The following SOCS6 variants were observed in gnomAD, a reference collection of about 807,000 sequenced individuals.
The protein encoded by SOCS6 is suppressor of cytokine signaling 6.
In SOCS6, 5 loss-of-function variants were observed where a neutral mutation model predicts 27.7. That is an observed-to-expected ratio of 0.18 (90% confidence interval 0.09 to 0.38). SOCS6 has a LOEUF of 0.38. Among genes scored for constraint, SOCS6 ranks in the 10% least tolerant of loss-of-function variants. SOCS6 has a pLI of 1.00. For synonymous variants in SOCS6, 271 were observed against 260.0 expected (o/e 1.04, Z -0.41); for missense variants, 595 against 688.1 (o/e 0.86, Z 1.51).
In SOCS6 at chr18:70,325,936, G is replaced by A. The variant is rs2146301627; in HGVS notation, c.1268G>A (p.Arg423His). The change falls in exon 2 of 2, where the codon CGC becomes CAC. Residue 423 changes from arginine (R) to histidine (H), a missense_variant. Transcript: ENST00000397942. This position sits in a 1 kb window ranked among gnomAD's most constrained non-coding sequence, Gnocchi z 6.3. ...DDRYLLSLSF[R>H]SHGKTLHTRI... ...CGTTACCTTTTAAGCTTGAGCTTTCGCTCCCATGGTAAAACACTTCACACT... is the reference window on the plus strand; with the variant it reads ...CGTTACCTTTTAAGCTTGAGCTTTCACTCCCATGGTAAAACACTTCACACT... 2 of 1,614,182 alleles carry A rather than the reference G, an allele frequency of 1.2e-6. No homozygotes were observed. The highest frequency in any genetic ancestry group is 1.7e-6 in the Non-Finnish European group (2 of 1,180,030).
At chr18:70,324,305 T>TAAC (rs1911102854) in intron 1 of SOCS6, among the ~76,000 whole-genome samples, 1 of 151,120 alleles carries the variant, frequency 6.6e-6, no homozygotes, top group African/African-American at 2.4e-5. Flanking sequence ...CATCTCAAAA[T>TAAC]AATAATAATA....
At chr18:70,294,928 A>T (rs1363975641) in intron 1 of SOCS6, among the ~76,000 whole-genome samples, 1 of 152,268 alleles carries the variant, frequency 6.6e-6, no homozygotes, top group Non-Finnish European at 1.5e-5. Context: ...TCACACTTGG[A>T]GACTGGGGAG....
At chr18:70,312,324 G>GTT (rs138067401) in intron 1 of SOCS6, among the ~76,000 whole-genome samples, 6 of 148,930 alleles carry the variant, frequency 4.0e-5, no homozygotes, top group African/African-American at 1.5e-4. Flanking sequence ...TTTTTGTTTT[G>GTT]TTTTTTTTTC....
At position 70,325,831 on chromosome 18, in the gene SOCS6, C is replaced by T. The variant is rs1339442273; in HGVS notation, c.1163C>T (p.Pro388Leu). Residue 388 changes from proline (P) to leucine (L), a missense_variant, in exon 2 of 2, where the codon CCA becomes CTA. Transcript: ENST00000397942. The surrounding 1 kb of genome is among the most constrained non-coding windows in gnomAD (Gnocchi z 6.3). ...GCAAAGCAAGGATGGTACTGGGGACCAATCACACGTTGGGAGGCAGAAGGG... is the reference window on the plus strand; with the variant it reads ...GCAAAGCAAGGATGGTACTGGGGACTAATCACACGTTGGGAGGCAGAAGGG... Reference protein sequence around the residue: ...KLAKQGWYWGPITRWEAEGKL... With the variant: ...KLAKQGWYWGLITRWEAEGKL... 6.2e-7 allele frequency: 1 copy of T among 1,614,178 alleles called. No individual in the cohort carries two copies. The highest frequency in any genetic ancestry group is 8.5e-7 in the Non-Finnish European group (1 of 1,180,022).
chr18:70,293,159 C>T (rs2062307584), intron 1 of SOCS6, among the ~76,000 whole-genome samples: 1 of 151,972 alleles, frequency 6.6e-6, no homozygotes, highest in Non-Finnish European at 1.5e-5. Context: ...TGTGGGTATA[C>T]AGAAAGTAGT....
chr18:70,324,219 G>A (rs1012745936), intron 1 of SOCS6, among the ~76,000 whole-genome samples: 5 of 151,930 alleles, frequency 3.3e-5, no homozygotes, highest in Admixed American at 2.6e-4. Flanking sequence ...GGAGAATGGC[G>A]TGAACCCAGG....
chr18:70,317,797 C>T (rs1321359955), intron 1 of SOCS6, among the ~76,000 whole-genome samples: 2 of 152,036 alleles, frequency 1.3e-5, no homozygotes, highest in African/African-American at 2.4e-5. Context: ...TTTACATTCC[C>T]GCCAACAGTG....
At chr18:70,293,250 C>T (rs577744211) in intron 1 of SOCS6, among the ~76,000 whole-genome samples, 2 of 152,262 alleles carry the variant, frequency 1.3e-5, no homozygotes, top group East Asian at 1.9e-4. Context: ...TATTTCATGT[C>T]GTTTGTCCTT....
chr18:70,306,055 T>C (rs527414254), intron 1 of SOCS6, among the ~76,000 whole-genome samples: 3 of 152,136 alleles, frequency 2.0e-5, no homozygotes, highest in African/African-American at 7.2e-5. Context: ...CTGGGAAACA[T>C]AGGGAGACCC....
At chr18:70,303,596 C>T (rs938041579) in intron 1 of SOCS6, among the ~76,000 whole-genome samples, 12 of 152,124 alleles carry the variant, frequency 7.9e-5, no homozygotes, top group African/African-American at 2.9e-4. Flanking sequence ...GAGTTTGACA[C>T]CAGCCTGGCT....
chr18:70,315,543 G>A (rs1370189766), intron 1 of SOCS6, among the ~76,000 whole-genome samples: 1 of 152,086 alleles, frequency 6.6e-6, no homozygotes, highest in Non-Finnish European at 1.5e-5. Flanking sequence ...TTTTGTATAA[G>A]CACATTCCCT....
In SOCS6 at chr18:70,326,675, T is replaced by C. The variant is rs1339965561; in HGVS notation, c.*399T>C. 1 of 186,010 alleles carries C rather than the reference T, an allele frequency of 5.4e-6. No homozygotes were observed. The highest frequency in any genetic ancestry group is 5.5e-5 in the Admixed American group (1 of 18,340). 11.5% of individuals were successfully genotyped at this position (186,010 alleles called of 1,614,324 possible). ...TGAAACTTAACAGAATGGAAATTGC[T>C]ATGTCTTTTTAAATGGTCCATTTTC... On this transcript the variant is annotated 3_prime_UTR_variant, in exon 2 of 2. Coordinates refer to ENST00000397942, the MANE Select transcript of SOCS6 (RefSeq NM_004232.4).
chr18:70,311,804 AT>A (rs2062391995), intron 1 of SOCS6, among the ~76,000 whole-genome samples: 6 of 152,252 alleles, frequency 3.9e-5, no homozygotes, highest in African/African-American at 1.4e-4. Context: ...CCTTGTATTG[AT>A]TATCATTTAT....
In SOCS6 at chr18:70,322,819, G is replaced by T. The variant is rs537570641; in HGVS notation, c.-126-1724G>T. Reference sequence around the variant, plus strand: ...CCTGATAGGTTGTCTAATCTGAGTGGTTTTTAGTAAGAATGATTCCATCTG... The same window carrying T: ...CCTGATAGGTTGTCTAATCTGAGTGTTTTTTAGTAAGAATGATTCCATCTG... On this transcript the variant is annotated intron_variant, in intron 1 of 1. Transcript: ENST00000397942. Among the ~76,000 whole-genome samples the T allele has an allele frequency of 2.6e-5, 4 of 152,230 alleles. No individual in the cohort carries two copies. In the East Asian group the frequency reaches 7.7e-4, roughly 29 times the overall value.
chr18:70,318,552 G>T (rs1186931810), intron 1 of SOCS6, among the ~76,000 whole-genome samples: 1 of 151,848 alleles, frequency 6.6e-6, no homozygotes, highest in Non-Finnish European at 1.5e-5. Context: ...GAGATTTTAT[G>T]ATATTTTGAA....
At chr18:70,302,637 A>G (rs2062353225) in intron 1 of SOCS6, among the ~76,000 whole-genome samples, 2 of 152,162 alleles carry the variant, frequency 1.3e-5, no homozygotes, top group African/African-American at 2.4e-5. Context: ...AAATGATTAC[A>G]GTGATGAATT....
At position 70,324,664 on chromosome 18, in the gene SOCS6, T is replaced by A. The variant is rs1033022600; in HGVS notation, c.-5T>A. 1 of 1,542,818 alleles carries A rather than the reference T, an allele frequency of 6.5e-7. No individual in the cohort carries two copies. Among genetic ancestry groups the A allele is most frequent in the African/African-American group, 1.4e-5 (1 of 72,316 alleles). On this transcript the variant is annotated 5_prime_UTR_variant, in exon 2 of 2. Coordinates refer to ENST00000397942, the MANE Select transcript of SOCS6 (RefSeq NM_004232.4). ...TTGATCCCTTGGATTAGGTAACTAG[T>A]CATAATGAAGAAAATTAGTCTTAAA...
chr18:70,289,282 C>T (rs1460352531), intron 1 of SOCS6, among the ~76,000 whole-genome samples, 192 bp downstream of exon 1: 3 of 148,906 alleles, frequency 2.0e-5, no homozygotes, highest in African/African-American at 4.9e-5. Flanking sequence ...GGCCCTGCGC[C>T]GTCTCGGCGG....
intron 1 of SOCS6, among the ~76,000 whole-genome samples, chr18:70,313,504 T>A (rs929844950): frequency 3.9e-5 from 6 of 152,220 alleles, no homozygotes; most frequent in African/African-American, 9.6e-5. Flanking sequence ...TTATATTTTT[T>A]AAAAATAAAT....
Sources: gnomAD v4.1 joint callset for allele counts (sites outside exome capture counted in the v4.1 genomes callset) on GRCh38, gnomAD v4.1.1 for gene constraint, Gnocchi (gnomAD v3.1) non-coding constraint, MANE v1.5 for transcripts, NCBI Gene and HGNC (gene_info 2026-07-23, HGNC 2026-07-21) for gene names.